TDRD9: variants seen among roughly 807,000 people sequenced by gnomAD.
The protein encoded by TDRD9 is tudor domain containing 9, also known as ATP-dependent RNA helicase TDRD9.
TDRD9 carries 124 observed loss-of-function variants against 172.6 expected under a neutral mutation model. That is an observed-to-expected ratio of 0.72 (90% CI 0.62 to 0.83). TDRD9 has a LOEUF of 0.83. TDRD9 is among the 40% of genes least tolerant of loss of function. TDRD9 has a pLI of 0.00. For synonymous variants in TDRD9, 619 were observed against 617.1 expected, an observed-to-expected ratio of 1.00 and a Z score of -0.05; for missense variants, 1,479 against 1,714.1, an observed-to-expected ratio of 0.86 and a Z score of 2.42.
chr14:103,928,470 G>A lies in TDRD9; in HGVS notation c.-40G>A. On this transcript the variant is annotated 5_prime_UTR_variant, in exon 1 of 36. Transcript: ENST00000409874. ...CGCCGTCGCCTGTTCCCGCCGCGGA[G>A]ACCCGGCAGTTGGGGGATGCCGACG... 1.4e-6 allele frequency: 2 copies of A among 1,426,342 alleles called. No individual in the cohort carries two copies. Among genetic ancestry groups the A allele is most frequent in the Non-Finnish European group, 1.9e-6 (2 of 1,080,440 alleles). The allele number at this position is 1,426,342 out of a possible 1,614,324, so 88.4% of individuals were successfully genotyped here. A position where few individuals can be genotyped will look rare whatever the true frequency, so the allele number is the denominator to read the frequency against.
At chr14:103,947,059 C>G (rs952602076) in intron 1 of TDRD9, among the ~76,000 whole-genome samples, 1 of 152,000 alleles carries the variant, frequency 6.6e-6, no homozygotes, top group Non-Finnish European at 1.5e-5. Flanking sequence ...TATGGAATGT[C>G]AAGGAACCCT....
chr14:104,042,480 T>C (rs1198063413), intron 34 of TDRD9, among the ~76,000 whole-genome samples: 1 of 151,914 alleles, frequency 6.6e-6, no homozygotes. Context: ...GTCTTAGGGA[T>C]TGGGGGAGTC....
At chr14:104,048,219 T>C (rs917886635) in intron 34 of TDRD9, among the ~76,000 whole-genome samples, 5 of 152,178 alleles carry the variant, frequency 3.3e-5, no homozygotes, top group African/African-American at 1.2e-4. Flanking sequence ...ATGTCTGGGT[T>C]CTGCTGTTTT....
At chr14:104,031,606 C>T (rs890965058) in intron 29 of TDRD9, among the ~76,000 whole-genome samples, 2 of 151,698 alleles carry the variant, frequency 1.3e-5, no homozygotes, top group Non-Finnish European at 2.9e-5. Context: ...CGGTGCTGCC[C>T]GCCTGCTTGG....
chr14:103,939,741 G>GTTTT (rs1322302073), intron 1 of TDRD9: 220 of 4,648 alleles, frequency 0.047, 6 homozygotes, highest in South Asian at 0.077. Flanking sequence ...TTGAAAAAAA[G>GTTTT]TGTTTTTTTT....
intron 7 of TDRD9, among the ~76,000 whole-genome samples, chr14:103,984,507 G>A (rs1311928858): frequency 6.6e-6 from 1 of 152,226 alleles, no homozygotes; most frequent in African/African-American, 2.4e-5. Context: ...AGCCTTGGCA[G>A]CCCCCACATG....
chr14:104,004,689 A>T (rs961716035), intron 14 of TDRD9, among the ~76,000 whole-genome samples: 1 of 152,096 alleles, frequency 6.6e-6, no homozygotes, highest in African/African-American at 2.4e-5. Flanking sequence ...AGTCTAAGTG[A>T]TATAATTTCT....
chr14:103,950,905 T>C (rs1043467873), intron 1 of TDRD9, among the ~76,000 whole-genome samples: 1 of 152,210 alleles, frequency 6.6e-6, no homozygotes, highest in African/African-American at 2.4e-5. Flanking sequence ...AGAATATTTC[T>C]CCAAGGACAT....
At chr14:104,034,122 CT>C in intron 31 of TDRD9, 53 bp downstream of exon 31, 1 of 1,101,970 alleles carries the variant, frequency 9.1e-7, no homozygotes, top group Admixed American at 2.0e-5. Context: ...TTTTCCTTGA[CT>C]TCAGCTACTA....
At chr14:103,991,253 A>C (rs780122365) in intron 9 of TDRD9, 29 bp downstream of exon 9, 1 of 1,612,038 alleles carries the variant, frequency 6.2e-7, no homozygotes, top group Non-Finnish European at 8.5e-7. Flanking sequence ...TGTGACTTGG[A>C]ATCATAATAC....
chr14:103,986,350 TTAATG>T, intron 8 of TDRD9, 30 bp downstream of exon 8: 1 of 1,459,614 alleles, frequency 6.9e-7, no homozygotes, highest in Non-Finnish European at 9.5e-7. Context: ...GTAATGCACT[TTAATG>T]TATATGTGAT....
intron 8 of TDRD9, among the ~76,000 whole-genome samples, chr14:103,987,465 A>G (rs1372272081): frequency 6.6e-6 from 1 of 151,978 alleles, no homozygotes; most frequent in East Asian, 1.9e-4. Context: ...ATTTTCATTC[A>G]TCTCAGAGTA....
In TDRD9 at chr14:103,999,735, A is replaced by T. The variant is rs556802892; in HGVS notation, c.1483+1007A>T. 5.3e-5 allele frequency among the ~76,000 whole-genome samples: 6 copies of T among 112,478 alleles called. No homozygotes were observed. In the South Asian group the frequency reaches 1.3e-3, roughly 25 times the overall value. The allele number at this position is 112,478 out of a possible 152,430, so 73.8% of individuals were successfully genotyped here. A position where few individuals can be genotyped will look rare whatever the true frequency, so the allele number is the denominator to read the frequency against. ...AAATAATAAAGGCAACATTGATTGA[A>T]TATTTACCATATGCCAGACATTCTT... On this transcript the variant is annotated intron_variant, in intron 13 of 35. Coordinates refer to ENST00000409874, the MANE Select transcript of TDRD9 (RefSeq NM_153046.3).
intron 6 of TDRD9, among the ~76,000 whole-genome samples, chr14:103,971,235 G>A (rs901640779): frequency 6.1e-4 from 93 of 152,040 alleles, no homozygotes; most frequent in African/African-American, 2.2e-3. Flanking sequence ...CGCCCGCCTT[G>A]GCCTCCCAAA....
intron 34 of TDRD9, among the ~76,000 whole-genome samples, chr14:104,048,685 G>A (rs894969567): frequency 6.6e-6 from 1 of 152,096 alleles, no homozygotes; most frequent in African/African-American, 2.4e-5. Flanking sequence ...AGGGATGTGT[G>A]GAGGGCCTGC....
intron 1 of TDRD9, among the ~76,000 whole-genome samples, chr14:103,934,533 C>T (rs2030624329): frequency 6.6e-6 from 1 of 152,064 alleles, no homozygotes; most frequent in Non-Finnish European, 1.5e-5. Flanking sequence ...AATCCCAGCA[C>T]TTTGGGAGGC....
intron 6 of TDRD9, among the ~76,000 whole-genome samples, chr14:103,973,790 C>T (rs1167146002): frequency 3.3e-5 from 5 of 152,352 alleles, no homozygotes; most frequent in East Asian, 1.9e-4. Context: ...TAACTTCAGA[C>T]ATCTCAAAAT....
At chr14:104,047,617 C>T (rs1012826641) in intron 34 of TDRD9, among the ~76,000 whole-genome samples, 1 of 152,232 alleles carries the variant, frequency 6.6e-6, no homozygotes, top group Admixed American at 6.5e-5. Flanking sequence ...TTGCTTTGCA[C>T]GTCTGTCAGT....
At chr14:104,026,489 T>C (rs1188439935) in intron 27 of TDRD9, among the ~76,000 whole-genome samples, 190 bp from the exon 28 acceptor site, 1 of 152,192 alleles carries the variant, frequency 6.6e-6, no homozygotes, top group African/African-American at 2.4e-5. Context: ...ATTCTAAATA[T>C]TTCTTATTGT....
Sources: gnomAD v4.1 joint callset for allele counts (sites outside exome capture counted in the v4.1 genomes callset) on GRCh38, gnomAD v4.1.1 for gene constraint, MANE v1.5 for transcripts, NCBI Gene and HGNC (gene_info 2026-07-23, HGNC 2026-07-21) for gene names.